The following UBAP1 variants were observed in gnomAD, a reference collection of about 807,000 sequenced individuals.
The protein encoded by UBAP1 is ubiquitin-associated protein 1.
A neutral mutation model predicts 39.0 loss-of-function variants in UBAP1; 5 were observed. The observed-to-expected ratio is 0.13, with a 90% CI of 0.07 to 0.27. UBAP1 has a LOEUF of 0.27. Ranked by LOEUF, UBAP1 falls within the 10% of genes least tolerant of loss-of-function variation. UBAP1 has a pLI of 1.00. For missense variants in UBAP1, 490 were observed against 608.1 expected (o/e 0.81, Z 2.04); for synonymous variants, 211 against 225.1 (o/e 0.94, Z 0.56).
At chr9:34,179,893 C>T (rs141176386) in intron 1 of UBAP1, among the ~76,000 whole-genome samples, 48 of 152,164 alleles carry the variant, frequency 3.2e-4, no homozygotes, top group Non-Finnish European at 6.3e-4. Context: ...ACCTTTGTTG[C>T]CAAATGTAAT....
At chr9:34,246,974 C>T (rs1379103397) in intron 4 of UBAP1, among the ~76,000 whole-genome samples, 1 of 152,190 alleles carries the variant, frequency 6.6e-6, no homozygotes, top group Non-Finnish European at 1.5e-5. Flanking sequence ...ATGCCAGAGT[C>T]AACCTTTGCC....
At chr9:34,233,064 A>G (rs1343158309) in intron 2 of UBAP1, among the ~76,000 whole-genome samples, 1 of 152,168 alleles carries the variant, frequency 6.6e-6, no homozygotes, top group Non-Finnish European at 1.5e-5. Context: ...GTAGGAGATT[A>G]AAGCAGCTCC....
chr9:34,202,624 C>CCTGTGTGTGTGTGTGTGTGTGTGTGTGT (rs1491103579), intron 1 of UBAP1, among the ~76,000 whole-genome samples: 1,616 of 107,256 alleles, frequency 0.015, 341 homozygotes, highest in East Asian at 0.041. Context: ...TAGACAGAAA[C>CCTGTGTGTGTGTGTGTGTGTGTGTGTGT]GTGTGTGTGT....
At chr9:34,217,626 GTAAC>G (rs1477879690) in intron 1 of UBAP1, among the ~76,000 whole-genome samples, 1 of 149,256 alleles carries the variant, frequency 6.7e-6, no homozygotes, top group African/African-American at 2.5e-5. Flanking sequence ...TGTTACCTGA[GTAAC>G]AAAAAAAAAA....
intron 1 of UBAP1, among the ~76,000 whole-genome samples, chr9:34,202,624 C>CT (rs1491103579): frequency 4.7e-5 from 5 of 107,326 alleles, no homozygotes; most frequent in African/African-American, 2.0e-4. Flanking sequence ...TAGACAGAAA[C>CT]GTGTGTGTGT....
chr9:34,235,331 G>GTATA (rs201764039), intron 3 of UBAP1, among the ~76,000 whole-genome samples: 22 of 145,386 alleles, frequency 1.5e-4, no homozygotes, highest in South Asian at 1.1e-3. Context: ...GTGTGTGTGT[G>GTATA]TATATATATA....
intron 1 of UBAP1, among the ~76,000 whole-genome samples, chr9:34,202,617 A>T (rs1011592247): frequency 1.2e-5 from 1 of 84,478 alleles, no homozygotes; most frequent in African/African-American, 5.2e-5. Flanking sequence ...GAAGCTGTAG[A>T]CAGAAACGTG....
At chr9:34,211,176 T>A (rs1429653696) in intron 1 of UBAP1, among the ~76,000 whole-genome samples, 2 of 152,208 alleles carry the variant, frequency 1.3e-5, no homozygotes, top group Non-Finnish European at 2.9e-5. Flanking sequence ...TATCTAGAGT[T>A]GGCTGGTTAT....
At chr9:34,235,736 A>G (rs1244303328) in intron 3 of UBAP1, among the ~76,000 whole-genome samples, 2 of 151,948 alleles carry the variant, frequency 1.3e-5, no homozygotes, top group Non-Finnish European at 2.9e-5. Context: ...CTTCACATTT[A>G]CCATTCGCTT....
rs182810786 is a variant in UBAP1 at position 34,236,158 on chromosome 9, C to G, written c.159+1818C>G. On this transcript the variant is annotated intron_variant, in intron 3 of 6. Transcript: ENST00000297661. ...TACAAGCGTGAGCCACTGCACCCAG[C>G]CTATTTTTAATCTTTTATACCATAT... Among the ~76,000 whole-genome samples the G allele has an allele frequency of 2.0e-5, 3 of 152,200 alleles. No homozygotes were observed. In the East Asian group the frequency reaches 5.8e-4, roughly 29 times the overall value.
intron 1 of UBAP1, among the ~76,000 whole-genome samples, chr9:34,190,229 C>CT (rs780682155): frequency 9.9e-5 from 15 of 152,140 alleles, no homozygotes; most frequent in Non-Finnish European, 1.9e-4. Flanking sequence ...CACGGAAGGT[C>CT]TTTAATTGTT....
intron 1 of UBAP1, among the ~76,000 whole-genome samples, chr9:34,195,346 T>A: frequency 6.6e-6 from 1 of 152,064 alleles, no homozygotes; most frequent in East Asian, 1.9e-4. Flanking sequence ...TAATTATATA[T>A]GACGTCATAT....
At chr9:34,226,105 T>G (rs970967321) in intron 2 of UBAP1, among the ~76,000 whole-genome samples, 9 of 88,276 alleles carry the variant, frequency 1.0e-4, no homozygotes, top group African/African-American at 3.2e-4. Flanking sequence ...TCCTACTCTA[T>G]TGTGTGTGTG....
chr9:34,225,909 G>A (rs1264124308), intron 2 of UBAP1, among the ~76,000 whole-genome samples: 1 of 151,782 alleles, frequency 6.6e-6, no homozygotes, highest in Non-Finnish European at 1.5e-5. Flanking sequence ...AATAGACCCC[G>A]TGATAAGATT....
chr9:34,250,863 T>A, intron 6 of UBAP1, 104 bp downstream of exon 6: 1 of 905,374 alleles, frequency 1.1e-6, no homozygotes, highest in Non-Finnish European at 1.8e-6. Context: ...GCTTTGCCAG[T>A]GACTACAGGT....
At chr9:34,204,692 T>A (rs868853244) in intron 1 of UBAP1, among the ~76,000 whole-genome samples, 64 of 152,270 alleles carry the variant, frequency 4.2e-4, no homozygotes, top group Non-Finnish European at 1.6e-4. Flanking sequence ...TCTTTTTTTT[T>A]AAATTTCAGA....
At chr9:34,220,803 C>T (rs1832715350) in intron 1 of UBAP1, 105 bp from the exon 2 acceptor site, 1 of 904,140 alleles carries the variant, frequency 1.1e-6, no homozygotes, top group Non-Finnish European at 1.7e-6. Context: ...AGGATTCTGT[C>T]AGCCCTAAAA....
At chr9:34,233,426 TG>T (rs1388791479) in intron 2 of UBAP1, among the ~76,000 whole-genome samples, 1 of 152,022 alleles carries the variant, frequency 6.6e-6, no homozygotes, top group Non-Finnish European at 1.5e-5. Flanking sequence ...TTCACCATGT[TG>T]GTCAGGCTGG....
intron 1 of UBAP1, among the ~76,000 whole-genome samples, chr9:34,181,662 G>T (rs1209957768): frequency 6.8e-6 from 1 of 146,580 alleles, no homozygotes; most frequent in Non-Finnish European, 1.5e-5. Context: ...TCGATCTCCT[G>T]ACCTCGTGAT....
Sources: gnomAD v4.1 joint callset for allele counts (sites outside exome capture counted in the v4.1 genomes callset) on GRCh38, gnomAD v4.1.1 for gene constraint, MANE v1.5 for transcripts, NCBI Gene and HGNC (gene_info 2026-07-23, HGNC 2026-07-21) for gene names.